ACVR2B: variants seen among roughly 807,000 people sequenced by gnomAD.
The protein encoded by ACVR2B is activin receptor type-2B.
In ACVR2B, 18 loss-of-function variants were observed where a neutral mutation model predicts 65.1. The ratio of observed to expected loss-of-function variants is 0.28; its 90% CI spans 0.19 to 0.41. The LOEUF is 0.41. Among genes scored for constraint, ACVR2B ranks in the 10% least tolerant of loss-of-function variants. The pLI is 1.00. For missense variants in ACVR2B, 482 were observed against 682.7 expected (o/e 0.71, Z 3.28); for synonymous variants, 298 against 277.7 (o/e 1.07, Z -0.73).
intron 1 of ACVR2B, among the ~76,000 whole-genome samples, chr3:38,472,700 G>A (rs1184750815): frequency 6.6e-6 from 1 of 152,158 alleles, no homozygotes; most frequent in Non-Finnish European, 1.5e-5. Context: ...GGAGACACTG[G>A]CTGGACTGGG....
intron 8 of ACVR2B, 152 bp from the exon 9 acceptor site, chr3:38,482,046 A>G (rs1229841189): frequency 1.9e-5 from 17 of 908,366 alleles, no homozygotes; most frequent in Non-Finnish European, 3.1e-5. Context: ...ACTGTTGTGA[A>G]TGTGGTGAAT....
In ACVR2B at chr3:38,485,826, C is replaced by T. The variant is rs1347728849; in HGVS notation, c.*2494C>T. Reference sequence around the variant, plus strand: ...GCTTTAAAATATTTATTGAAAAGTGCCATATCTAATTTCTTTAGCTTTCGC... The same window carrying T: ...GCTTTAAAATATTTATTGAAAAGTGTCATATCTAATTTCTTTAGCTTTCGC... On this transcript the variant is annotated 3_prime_UTR_variant, in exon 11 of 11. Coordinates refer to ENST00000352511, the MANE Select transcript of ACVR2B (RefSeq NM_001106.4). The T allele has an allele frequency of 6.6e-6, 1 of 152,188 alleles. No individual in the cohort carries two copies. Among genetic ancestry groups the T allele is most frequent in the Non-Finnish European group, 1.5e-5 (1 of 67,948 alleles). The allele number at this position is 152,188 out of a possible 1,614,324, so 9.4% of individuals were successfully genotyped here. A position where few individuals can be genotyped will look rare whatever the true frequency, so the allele number is the denominator to read the frequency against.
Position 38,477,021 on chromosome 3 carries a change from C to T in ACVR2B, c.53-266C>T. The T allele has an allele frequency of 1.8e-6, 1 of 567,978 alleles. No homozygotes were observed. The highest frequency in any genetic ancestry group is 2.1e-5 in the South Asian group (1 of 46,580). 35.2% of individuals were successfully genotyped at this position (567,978 alleles called of 1,614,324 possible). A position where few individuals can be genotyped will look rare whatever the true frequency, so the allele number is the denominator to read the frequency against. ...CCATCCTTCTGTGGCATTAGGTTTC[C>T]TGCCTCCTCCCTTTTGCTTAGGCCT... On this transcript the variant is annotated intron_variant, in intron 1 of 10. Coordinates refer to ENST00000352511, the MANE Select transcript of ACVR2B (RefSeq NM_001106.4). This position sits in a 1 kb window ranked among gnomAD's most constrained non-coding sequence, Gnocchi z 6.7.
At chr3:38,470,182 AT>A (rs1316527941) in intron 1 of ACVR2B, among the ~76,000 whole-genome samples, 1 of 152,256 alleles carries the variant, frequency 6.6e-6, no homozygotes, top group Non-Finnish European at 1.5e-5. Context: ...ATTCAAGTTG[AT>A]AATAGCCAAG....
intron 10 of ACVR2B, 107 bp downstream of exon 10, chr3:38,482,667 G>A: frequency 1.3e-6 from 2 of 1,496,632 alleles, no homozygotes; most frequent in East Asian, 4.9e-5. Flanking sequence ...TAGAAAGTCT[G>A]CGACGTTCCC....
intron 1 of ACVR2B, chr3:38,475,851 C>CT (rs922972439): frequency 1.1e-4 from 17 of 153,820 alleles, no homozygotes; most frequent in African/African-American, 3.6e-4. Context: ...GGTGGGCTGG[C>CT]TGTCTGGTGG....
rs555309751 is a variant in ACVR2B, at chr3:38,485,933, A to T, written c.*2601A>T. On this transcript the variant is annotated 3_prime_UTR_variant, in exon 11 of 11. Transcript: ENST00000352511. ...AATGTAGCAAATTTACTGCAGGAAT[A>T]GTTAGGTCATGATACTACCTGAACA... 1 of 152,694 alleles carries T rather than the reference A, an allele frequency of 6.5e-6. No individual in the cohort carries two copies. The highest frequency in any genetic ancestry group is 1.9e-4 in the East Asian group (1 of 5,176). The allele number at this position is 152,694 out of a possible 1,614,324, so 9.5% of individuals were successfully genotyped here.
chr3:38,486,223 G>A lies in ACVR2B; in HGVS notation c.*2891G>A, dbSNP rs147295032. The A allele has an allele frequency of 7.2e-5, 11 of 152,288 alleles. No individual in the cohort carries two copies. Among genetic ancestry groups the A allele is most frequent in the Non-Finnish European group, 1.3e-4 (9 of 68,136 alleles). The allele number at this position is 152,288 out of a possible 1,614,324, so 9.4% of individuals were successfully genotyped here. A position where few individuals can be genotyped will look rare whatever the true frequency, so the allele number is the denominator to read the frequency against. On this transcript the variant is annotated 3_prime_UTR_variant, in exon 11 of 11. Coordinates refer to ENST00000352511, the MANE Select transcript of ACVR2B (RefSeq NM_001106.4). ...GCCATCAGATTGTGTGTCAGGAGAT[G>A]GTACCTTTTTGGTGTGGCTGGGGAG...
rs1180574218 is a variant in ACVR2B at position 38,481,515 on chromosome 3, CT to C, written c.1074+53del. 1 of 1,519,870 alleles carries C rather than the reference CT, an allele frequency of 6.6e-7. No individual in the cohort carries two copies. Among genetic ancestry groups the C allele is most frequent in the Admixed American group, 1.7e-5 (1 of 59,882 alleles). 94.1% of individuals were successfully genotyped at this position (1,519,870 alleles called of 1,614,324 possible). On this transcript the variant is annotated intron_variant, in intron 8 of 10. Transcript: ENST00000352511. The surrounding 1 kb of genome is among the most constrained non-coding windows in gnomAD (Gnocchi z 4.7). Reference sequence around the variant, plus strand: ...GAGAGGGACAGACCCAGGGTAGATACTTTGCCCTTTTTGTGCTCAGCTGGGG... The same window carrying C: ...GAGAGGGACAGACCCAGGGTAGATACTTGCCCTTTTTGTGCTCAGCTGGGG...
intron 1 of ACVR2B, among the ~76,000 whole-genome samples, chr3:38,460,833 G>A (rs1440741357): frequency 1.3e-5 from 2 of 152,202 alleles, no homozygotes; most frequent in Non-Finnish European, 2.9e-5. Context: ...TTCCTCTGCC[G>A]ACTATTTCAG....
rs1209906991 is a variant in ACVR2B, at chr3:38,478,152, C to T, written c.382C>T (p.Pro128Ser). The change falls in exon 4 of 11, where the codon CCA becomes TCA. Residue 128 changes from proline (P) to serine (S), a missense_variant. Transcript: ENST00000352511. The stretch of plus-strand genomic sequence containing the variant: ...TGTGTGTCCCCCAGTCACGTACGAG[C>T]CACCCCCGACAGCCCCCACCCTGCT... ...EAGGPEVTYE[P>S]PPTAPTLLTV... 6.2e-7 allele frequency: 1 copy of T among 1,611,696 alleles called. No individual in the cohort carries two copies. The highest frequency in any genetic ancestry group is 1.3e-5 in the African/African-American group (1 of 74,800).
intron 1 of ACVR2B, among the ~76,000 whole-genome samples, chr3:38,471,232 A>G (rs979198905): frequency 6.6e-6 from 1 of 152,226 alleles, no homozygotes; most frequent in African/African-American, 2.4e-5. Context: ...AGGAAAAGTA[A>G]TCCAGTAGAA....
chr3:38,475,158 A>G, intron 1 of ACVR2B: 1 of 152,484 alleles, frequency 6.6e-6, no homozygotes, highest in Non-Finnish European at 1.5e-5. Flanking sequence ...GGGACAATGT[A>G]GGTGCAAGCC....
chr3:38,482,986 C>T (rs551973809), intron 10 of ACVR2B, 152 bp from the exon 11 acceptor site: 2 of 878,580 alleles, frequency 2.3e-6, no homozygotes, highest in East Asian at 4.8e-5. Context: ...CTGAAGTTTT[C>T]CCCAGGCCTC....
rs536693469 is a variant in ACVR2B, at chr3:38,454,158, G to A, written c.-165G>A. The A allele has an allele frequency of 2.4e-5, 9 of 382,832 alleles. No homozygotes were observed. The East Asian group carries it at 8.6e-4, about 37-fold the overall frequency. The allele number at this position is 382,832 out of a possible 1,614,324, so 23.7% of individuals were successfully genotyped here. A position where few individuals can be genotyped will look rare whatever the true frequency, so the allele number is the denominator to read the frequency against. ...CCGGCCCCGCCGACCGGCCCTTGGAGCCCGAACGCTGCTCGGGGACGAAGG... is the reference window on the plus strand; with the variant it reads ...CCGGCCCCGCCGACCGGCCCTTGGAACCCGAACGCTGCTCGGGGACGAAGG... On this transcript the variant is annotated 5_prime_UTR_variant, in exon 1 of 11. Transcript: ENST00000352511.
chr3:38,456,281 C>T (rs1482025316), intron 1 of ACVR2B, among the ~76,000 whole-genome samples: 2 of 152,128 alleles, frequency 1.3e-5, no homozygotes, highest in East Asian at 1.9e-4. Flanking sequence ...TGCCCCAGGC[C>T]CAGTTTGGAG....
chr3:38,458,597 T>C (rs1709588962), intron 1 of ACVR2B, among the ~76,000 whole-genome samples: 1 of 152,200 alleles, frequency 6.6e-6, no homozygotes, highest in Admixed American at 6.5e-5. Context: ...TCCAGAAAGC[T>C]GTCCTCTTGA....
chr3:38,459,880 C>G (rs549108428), intron 1 of ACVR2B, among the ~76,000 whole-genome samples: 155 of 152,230 alleles, frequency 1.0e-3, no homozygotes, highest in African/African-American at 1.4e-3. Context: ...GCTGGCAGCC[C>G]CCTGTGGCTG....
At position 38,482,591 on chromosome 3, in the gene ACVR2B, G is replaced by C. The variant is rs142291277; in HGVS notation, c.1344+31G>C. On this transcript the variant is annotated intron_variant, in intron 10 of 10. Coordinates refer to ENST00000352511, the MANE Select transcript of ACVR2B (RefSeq NM_001106.4). The stretch of plus-strand genomic sequence containing the variant: ...GGGCCTGGTTCAGGCAACTTTGCAG[G>C]GGGGTGGAGAAGGGAAAACCCTTCA... 7.5e-5 allele frequency: 121 copies of C among 1,604,574 alleles called. No homozygotes were observed. In the African/African-American group the frequency reaches 1.0e-3, roughly 13 times the overall value.
Sources: allele counts gnomAD v4.1 joint callset (sites outside exome capture counted in the v4.1 genomes callset), GRCh38; gene constraint gnomAD v4.1.1; non-coding constraint Gnocchi (gnomAD v3.1); transcripts MANE v1.5; gene names NCBI Gene and HGNC (gene_info 2026-07-23, HGNC 2026-07-21).